Variants in TSPOAP1 observed in about 807,000 individuals in gnomAD.
TSPOAP1 encodes peripheral-type benzodiazepine receptor-associated protein 1.
A neutral mutation model predicts 197.0 loss-of-function variants in TSPOAP1; 87 were observed. That is an observed-to-expected ratio of 0.44 (90% CI 0.37 to 0.53). The LOEUF (loss-of-function observed/expected upper bound fraction) is 0.53. Ranked by LOEUF, TSPOAP1 falls within the 20% of genes least tolerant of loss-of-function variation. The probability of loss-of-function intolerance (pLI) is 0.00; values close to 1 mark genes in which losing one functional copy is unlikely to be tolerated. For missense variants in TSPOAP1, 2,174 were observed against 2,411.3 expected, an observed-to-expected ratio of 0.90 and a Z score of 2.06; for synonymous variants, 913 against 998.9, an observed-to-expected ratio of 0.91 and a Z score of 1.62.
At position 58,324,712 on chromosome 17, in the gene TSPOAP1, G is replaced by C; in HGVS notation, c.942+99C>G. On this transcript the variant is annotated intron_variant, in intron 5 of 31. Coordinates refer to ENST00000343736, the MANE Select transcript of TSPOAP1 (RefSeq NM_004758.4). This position sits in a 1 kb window ranked among gnomAD's most constrained non-coding sequence, Gnocchi z 5.8. The stretch of plus-strand genomic sequence containing the variant: ...CTGGGAGTGCGCACACCACCACTGA[G>C]TCCTTGGGGTTCTGAGCACGGTGCA... 1 of 1,096,538 alleles carries C rather than the reference G, an allele frequency of 9.1e-7. No homozygotes were observed. The highest frequency in any genetic ancestry group is 2.0e-5 in the South Asian group (1 of 50,966). The allele number at this position is 1,096,538 out of a possible 1,614,324, so 67.9% of individuals were successfully genotyped here.
At position 58,319,336 on chromosome 17, in the gene TSPOAP1, T is replaced by C. The variant is rs1187249910; in HGVS notation, c.1495-42A>G. On this transcript the variant is annotated intron_variant, in intron 12 of 31. Transcript: ENST00000343736. ...CATGAGCCGCCAGGCCCCTCAAAGC[T>C]ACCCAGTGCCAGCCCGTGCCATCTG... is the stretch of plus-strand genomic sequence containing the variant. The C allele has an allele frequency of 3.3e-6, 5 of 1,533,540 alleles. No homozygotes were observed. The African/African-American group carries it at 5.5e-5, about 17-fold the overall frequency. The allele number at this position is 1,533,540 out of a possible 1,614,324, so 95.0% of individuals were successfully genotyped here. A position where few individuals can be genotyped will look rare whatever the true frequency, so the allele number is the denominator to read the frequency against.
rs1382661207 is a variant in TSPOAP1, at chr17:58,313,535, C to T, written c.2099-813G>A. Among the ~76,000 whole-genome samples, 6 of 151,346 alleles carry T rather than the reference C, an allele frequency of 4.0e-5. No homozygotes were observed. The East Asian group carries it at 5.8e-4, about 15-fold the overall frequency. ...CTGAGGTGGAAGGATTGCTTGAGCC[C>T]GGGAGGCAGAAGCTAGAAGTCATAA... On this transcript the variant is annotated intron_variant, in intron 16 of 31. Coordinates refer to ENST00000343736, the MANE Select transcript of TSPOAP1 (RefSeq NM_004758.4).
rs1388884875 is a variant in TSPOAP1, at chr17:58,308,530, T to A, written c.4731+11A>T. 1 of 1,505,612 alleles carries A rather than the reference T, an allele frequency of 6.6e-7. No homozygotes were observed. The highest frequency in any genetic ancestry group is 8.9e-7 in the Non-Finnish European group (1 of 1,127,486). 93.3% of individuals were successfully genotyped at this position (1,505,612 alleles called of 1,614,324 possible). On this transcript the variant is annotated intron_variant, in intron 22 of 31. Coordinates refer to ENST00000343736, the MANE Select transcript of TSPOAP1 (RefSeq NM_004758.4). Reference sequence around the variant, plus strand: ...GGCAGGGGCTGCCCAGGGCGGGGAGTGAGCACGGACCCGGGAGAGTGGCTC... The same window carrying A: ...GGCAGGGGCTGCCCAGGGCGGGGAGAGAGCACGGACCCGGGAGAGTGGCTC...
In TSPOAP1 at chr17:58,308,656, G is replaced by A. The variant is rs140503332; in HGVS notation, c.4616C>T (p.Pro1539Leu). 1.4e-4 allele frequency: 233 copies of A among 1,609,940 alleles called. No homozygotes were observed. The highest frequency in any genetic ancestry group is 1.9e-4 in the Non-Finnish European group (221 of 1,177,680). Residue 1539 changes from proline (P) to leucine (L), a missense_variant, in exon 22 of 32, where the codon CCT becomes CTT. By Grantham distance (98) the Pro-to-Leu change is moderately conservative. Coordinates refer to ENST00000343736, the MANE Select transcript of TSPOAP1 (RefSeq NM_004758.4). ...CTTGGGGCCTGAATTGGCCTTCGGA[G>A]GCCCCCTGGGCCTTCCTACAGTTGC... ...GTATVGRPRG[P>L]PKANSGPKPY...
chr17:58,316,391 C>A, intron 15 of TSPOAP1, 34 bp downstream of exon 15: 1 of 1,568,074 alleles, frequency 6.4e-7, no homozygotes, highest in Non-Finnish European at 8.7e-7. Context: ...AATGCTGGGG[C>A]TGGGCTAGGG....
intron 1 of TSPOAP1, 149 bp downstream of exon 1, chr17:58,327,439 C>T: frequency 1.4e-6 from 1 of 714,854 alleles, no homozygotes; most frequent in Non-Finnish European, 2.3e-6. Context: ...GAAGAGAGGA[C>T]AGATAGCCAC....
chr17:58,316,809 A>G (rs1355477582), intron 14 of TSPOAP1, among the ~76,000 whole-genome samples: 3 of 152,254 alleles, frequency 2.0e-5, no homozygotes, highest in Non-Finnish European at 4.4e-5. Context: ...CCGCCAGGAA[A>G]TAAAGCCACT....
chr17:58,305,647 C>G lies in TSPOAP1; in HGVS notation c.5258-4G>C. ...GAGGGGACCAGCTTAGGGGGGCCTG[C>G]AGGGGGAGTAGGAGAAGACTCTGGA... is the stretch of plus-strand genomic sequence containing the variant. On this transcript the variant is annotated splice_region_variant and splice_polypyrimidine_tract_variant and intron_variant, in intron 27 of 31. Transcript: ENST00000343736. 6.8e-7 allele frequency: 1 copy of G among 1,475,216 alleles called. No individual in the cohort carries two copies. The highest frequency in any genetic ancestry group is 1.3e-5 in the South Asian group (1 of 76,710). The allele number at this position is 1,475,216 out of a possible 1,614,324, so 91.4% of individuals were successfully genotyped here.
At position 58,309,251 on chromosome 17, in the gene TSPOAP1, C is replaced by G; in HGVS notation, c.4021G>C (p.Glu1341Gln). 6.2e-7 allele frequency: 1 copy of G among 1,613,920 alleles called. No individual in the cohort carries two copies. The highest frequency in any genetic ancestry group is 8.5e-7 in the Non-Finnish European group (1 of 1,179,930). Residue 1341 changes from glutamate to glutamine, a missense_variant, in exon 22 of 32, where the codon GAG becomes CAG. Glu to Gln is a conservative substitution (Grantham distance 29, BLOSUM62 2). Around this residue, in one of 5 missense-constraint regions of TSPOAP1, gnomAD observed 1,933 missense variants for 2,139.0 expected, o/e 0.90. Coordinates refer to ENST00000343736, the MANE Select transcript of TSPOAP1 (RefSeq NM_004758.4). The surrounding 1 kb of genome is among the most constrained non-coding windows in gnomAD (Gnocchi z 5.0). ...CCTGACTTCTCCTCCTCCTCGTCCT[C>G]CTCTTCCTCTTCCTCCTCCTCCGGG... ...SIPEEEEEEE[E>Q]DEEEEKSGAG... is the part of the protein sequence containing the mutation.
chr17:58,319,643 CAGG>C (rs1171177701), intron 12 of TSPOAP1, among the ~76,000 whole-genome samples: 1 of 152,260 alleles, frequency 6.6e-6, no homozygotes, highest in Non-Finnish European at 1.5e-5. Context: ...ACCATCACCG[CAGG>C]AGTTTTCTCA....
At position 58,309,228 on chromosome 17, in the gene TSPOAP1, T is replaced by G. The variant is rs759437475; in HGVS notation, c.4044A>C (p.Ser1348=). 10 of 1,611,016 alleles carry G rather than the reference T, an allele frequency of 6.2e-6. No individual in the cohort carries two copies. In the East Asian group the frequency reaches 2.0e-4, roughly 32 times the overall value. The stretch of plus-strand genomic sequence containing the variant: ...GGTCTCGGGAAGAACAGCCTGCCCC[T>G]GACTTCTCCTCCTCCTCGTCCTCCT... ...EEEEDEEEEK[S]GAGCSSRDPG... is the part of the protein sequence containing the mutation. The change falls in exon 22 of 32, where the codon TCA becomes TCC. Residue 1348 remains serine (S), a synonymous_variant. Coordinates refer to ENST00000343736, the MANE Select transcript of TSPOAP1 (RefSeq NM_004758.4). This position sits in a 1 kb window ranked among gnomAD's most constrained non-coding sequence, Gnocchi z 5.0.
chr17:58,301,735 A>G lies in TSPOAP1; in HGVS notation c.*745T>C, dbSNP rs1248716119. The G allele has an allele frequency of 1.3e-5, 2 of 153,070 alleles. No homozygotes were observed. The highest frequency in any genetic ancestry group is 3.8e-4 in the East Asian group (2 of 5,202). The allele number at this position is 153,070 out of a possible 1,614,324, so 9.5% of individuals were successfully genotyped here. A position where few individuals can be genotyped will look rare whatever the true frequency, so the allele number is the denominator to read the frequency against. On this transcript the variant is annotated 3_prime_UTR_variant, in exon 32 of 32. Coordinates refer to ENST00000343736, the MANE Select transcript of TSPOAP1 (RefSeq NM_004758.4). ...GTGGAAGCGAGGTGGAGGAAGCTGA[A>G]CTGAGGCACTGAGTATATACATATA...
intron 18 of TSPOAP1, 140 bp downstream of exon 18, chr17:58,311,431 C>A: frequency 7.6e-7 from 1 of 1,324,270 alleles, no homozygotes; most frequent in South Asian, 1.5e-5. Context: ...TGCCAAAGCC[C>A]ATGCTCTTAA....
Position 58,304,450 on chromosome 17 carries a change from T to C in TSPOAP1, c.5545-51A>G. ...GATGGGTTACCGACAGACCCGCACC[T>C]TCTCCGCCCGGCCACCAGGTGGCCC... On this transcript the variant is annotated intron_variant, in intron 30 of 31. Transcript: ENST00000343736. This position sits in a 1 kb window ranked among gnomAD's most constrained non-coding sequence, Gnocchi z 4.2. 6.6e-7 allele frequency: 1 copy of C among 1,523,934 alleles called. No homozygotes were observed. The highest frequency in any genetic ancestry group is 9.1e-7 in the Non-Finnish European group (1 of 1,098,202). 94.4% of individuals were successfully genotyped at this position (1,523,934 alleles called of 1,614,324 possible).
chr17:58,319,113 G>A lies in TSPOAP1; in HGVS notation c.1676C>T (p.Pro559Leu). 1 of 1,541,432 alleles carries A rather than the reference G, an allele frequency of 6.5e-7. No individual in the cohort carries two copies. Among genetic ancestry groups the A allele is most frequent in the Non-Finnish European group, 8.8e-7 (1 of 1,138,582 alleles). ...ACCTTTGGGGCCAGACCCCCGGCAA[G>A]GCTGGGGAATGGAGCAGCAGCAGGG... ...PPPCCCSIPQ[P>L]CRGSGPKDLD... Residue 559 changes from proline (P) to leucine (L), a missense_variant, in exon 13 of 32, where the codon CCT (proline) becomes CTT (leucine). Physicochemically the swap from Pro to Leu is moderately conservative, Grantham distance 98. Transcript: ENST00000343736.
chr17:58,310,585 C>A lies in TSPOAP1; in HGVS notation c.3626G>T (p.Arg1209Leu), dbSNP rs760194696. The A allele has an allele frequency of 6.2e-7, 1 of 1,613,410 alleles. No homozygotes were observed. Residue 1209 changes from arginine (R) to leucine (L), a missense_variant, in exon 20 of 32, where the codon CGG (arginine) becomes CTG (leucine). Physicochemically the swap from Arg to Leu is moderately radical, Grantham distance 102 (BLOSUM62 -2). Transcript: ENST00000343736. ...CPASSSTQGA[R>L]AQQAPNTEMC... ...CTCGGTATTTGGCGCCTGCTGGGCC[C>A]GTGCTCCCTGGGTGGAGCTGGAGGC...
rs753329542 is a variant in TSPOAP1 at position 58,310,740 on chromosome 17, C to T, written c.3471G>A (p.Gly1157=). 3 of 1,612,258 alleles carry T rather than the reference C, an allele frequency of 1.9e-6. No homozygotes were observed. The highest frequency in any genetic ancestry group is 2.5e-6 in the Non-Finnish European group (3 of 1,179,434). Reference sequence around the variant, plus strand: ...CCTCTGAGGTGCCCAGCACTGCTGCCCCAGCCTCCTCCTGGAACAGAGAGC... The same window carrying T: ...CCTCTGAGGTGCCCAGCACTGCTGCTCCAGCCTCCTCCTGGAACAGAGAGC... The part of the protein sequence containing the change: ...PPAPCSQEEA[G]AAVLGTSEER... Residue 1157 remains glycine (G), a synonymous_variant, in exon 20 of 32, where the codon GGG becomes GGA. Transcript: ENST00000343736.
Position 58,322,502 on chromosome 17 carries a change from C to T in TSPOAP1, c.1318-90G>A, listed in dbSNP as rs749544615. ...ATGAGGAAGCCTCAAACACCATTTG[C>T]TCCAGATTCCTCTATTACAAAGGAA... On this transcript the variant is annotated intron_variant, in intron 9 of 31. Coordinates refer to ENST00000343736, the MANE Select transcript of TSPOAP1 (RefSeq NM_004758.4). This position sits in a 1 kb window ranked among gnomAD's most constrained non-coding sequence, Gnocchi z 5.0. 3.2e-6 allele frequency: 5 copies of T among 1,551,504 alleles called. No individual in the cohort carries two copies. The South Asian group carries it at 4.7e-5, about 15-fold the overall frequency.
intron 14 of TSPOAP1, 110 bp downstream of exon 14, chr17:58,318,170 C>T (rs1269313084): frequency 8.8e-6 from 12 of 1,356,368 alleles, no homozygotes; most frequent in Admixed American, 6.8e-5. Flanking sequence ...AACTTGGGAC[C>T]CCAGAAGTTG....
Sources: allele counts gnomAD v4.1 joint callset (sites outside exome capture counted in the v4.1 genomes callset), GRCh38; gene constraint gnomAD v4.1.1; regional missense constraint gnomAD v4.1.1; non-coding constraint Gnocchi (gnomAD v3.1); transcripts MANE v1.5; gene names NCBI Gene and HGNC (gene_info 2026-07-23, HGNC 2026-07-21).